The following MAST4 variants were observed in gnomAD, a reference collection of about 807,000 sequenced individuals.
MAST4 encodes microtubule associated serine/threonine kinase family member 4.
MAST4 carries 89 observed loss-of-function variants against 162.7 expected under a neutral mutation model. The observed-to-expected ratio is 0.55, with a 90% CI of 0.46 to 0.65. The LOEUF is 0.65. Among genes scored for constraint, MAST4 ranks in the 30% least tolerant of loss-of-function variants. The pLI is 0.00. For synonymous variants in MAST4, 1,479 were observed against 1,361.1 expected, an observed-to-expected ratio of 1.09 and a Z score of -1.91; for missense variants, 3,153 against 3,374.0, an observed-to-expected ratio of 0.93 and a Z score of 1.62.
chr5:66,906,206 G>A (rs73101933), intron 4 of MAST4, among the ~76,000 whole-genome samples: 1,762 of 152,228 alleles, frequency 0.012, 35 homozygotes, highest in African/African-American at 0.041. Flanking sequence ...TCAGCTGGTC[G>A]GTTGTGCTGA....
chr5:66,920,613 C>T (rs1456563845), intron 4 of MAST4, among the ~76,000 whole-genome samples: 2 of 152,094 alleles, frequency 1.3e-5, no homozygotes, highest in Admixed American at 6.5e-5. Flanking sequence ...GCCTCAGCCT[C>T]CCGAGTAGCT....
chr5:66,756,176 A>G (rs1031443046), intron 1 of MAST4, among the ~76,000 whole-genome samples: 6 of 152,204 alleles, frequency 3.9e-5, no homozygotes, highest in African/African-American at 1.2e-4. Context: ...TCTGCATTCA[A>G]TAATATTAAA....
At chr5:66,930,883 G>C (rs1038598470) in intron 4 of MAST4, 3 of 442,782 alleles carry the variant, frequency 6.8e-6, no homozygotes, top group Non-Finnish European at 1.4e-5. Flanking sequence ...GCAGAACTGA[G>C]CTTGTATACT....
chr5:67,059,954 A>G (rs1390927517), intron 5 of MAST4, among the ~76,000 whole-genome samples: 1 of 152,144 alleles, frequency 6.6e-6, no homozygotes, highest in Non-Finnish European at 1.5e-5. Context: ...AAAATGAATC[A>G]CGTGAACATT....
intron 3 of MAST4, chr5:66,828,740 T>G: frequency 1.3e-6 from 2 of 1,518,306 alleles, no homozygotes; most frequent in Non-Finnish European, 1.8e-6. Context: ...TAGAGCGTGA[T>G]GTAAGTGTTT....
chr5:67,049,645 T>C (rs960540455), intron 4 of MAST4, among the ~76,000 whole-genome samples: 4 of 152,166 alleles, frequency 2.6e-5, no homozygotes, highest in Admixed American at 1.3e-4. Context: ...CCGGGGCCCC[T>C]CTTACTCAAT....
At chr5:66,603,965 G>T (rs1237997041) in intron 1 of MAST4, among the ~76,000 whole-genome samples, 2 of 152,148 alleles carry the variant, frequency 1.3e-5, no homozygotes, top group African/African-American at 2.4e-5. Context: ...AGTTGGTTTC[G>T]CCAACAGCTG....
chr5:66,907,616 G>GTGTGTGTGTGTGTC, intron 4 of MAST4, among the ~76,000 whole-genome samples: 1 of 151,176 alleles, frequency 6.6e-6, no homozygotes, highest in African/African-American at 2.4e-5. Flanking sequence ...GTGTGTGTGT[G>GTGTGTGTGTGTGTC]TGTGTGTGTG....
intron 6 of MAST4, among the ~76,000 whole-genome samples, chr5:67,091,048 A>G (rs1314494050): frequency 6.6e-6 from 1 of 152,024 alleles, no homozygotes; most frequent in Non-Finnish European, 1.5e-5. Context: ...TGAATGTCCT[A>G]GATATTTGTT....
intron 3 of MAST4, among the ~76,000 whole-genome samples, chr5:66,821,830 G>A (rs1421721160): frequency 6.6e-6 from 1 of 152,144 alleles, no homozygotes; most frequent in Non-Finnish European, 1.5e-5. Flanking sequence ...TTGAAGCCAG[G>A]AAGGTAGCTG....
rs1297670840 is a variant in MAST4 at position 67,169,081 on chromosome 5, G to C, written c.*2030G>C. Reference sequence around the variant, plus strand: ...ACGTTTATAATACATATCTGTGTTTGGCAGTTGTCATAACCCAATCCTACA... The same window carrying C: ...ACGTTTATAATACATATCTGTGTTTCGCAGTTGTCATAACCCAATCCTACA... On this transcript the variant is annotated 3_prime_UTR_variant, in exon 29 of 29. Coordinates refer to ENST00000403625, the MANE Select transcript of MAST4 (RefSeq NM_001164664.2). The C allele has an allele frequency of 6.6e-6, 1 of 152,052 alleles. No individual in the cohort carries two copies. Among genetic ancestry groups the C allele is most frequent in the Non-Finnish European group, 1.5e-5 (1 of 68,020 alleles). The allele number at this position is 152,052 out of a possible 1,614,324, so 9.4% of individuals were successfully genotyped here.
chr5:66,901,602 C>A (rs1015176412), intron 4 of MAST4, among the ~76,000 whole-genome samples: 1 of 152,124 alleles, frequency 6.6e-6, no homozygotes, highest in African/African-American at 2.4e-5. Context: ...TGAATTACAT[C>A]AGAGCCATTT....
intron 1 of MAST4, among the ~76,000 whole-genome samples, chr5:66,711,547 T>A (rs191543948): frequency 1.3e-5 from 2 of 152,286 alleles, no homozygotes; most frequent in Non-Finnish European, 2.9e-5. Flanking sequence ...AGAAAGACGC[T>A]TTTGAGGCCC....
At chr5:66,865,813 G>T (rs962736298) in intron 3 of MAST4, among the ~76,000 whole-genome samples, 2 of 152,146 alleles carry the variant, frequency 1.3e-5, no homozygotes, top group East Asian at 3.9e-4. Context: ...GGTGGCTCAC[G>T]CCTGTAATCC....
intron 9 of MAST4, among the ~76,000 whole-genome samples, chr5:67,103,708 A>G (rs1765283117): frequency 6.6e-6 from 1 of 152,198 alleles, no homozygotes; most frequent in Non-Finnish European, 1.5e-5. Context: ...ATGATATAAG[A>G]TGTGTGCTCC....
chr5:67,031,064 T>C lies in MAST4; in HGVS notation c.675-23340T>C, dbSNP rs535608598. ...TTGGGGATAACACTTCCACATAGGA[T>C]ATTTTTTTCCTATGTGAAAAAAGCA... On this transcript the variant is annotated intron_variant, in intron 4 of 28. Transcript: ENST00000403625. Among the ~76,000 whole-genome samples the C allele has an allele frequency of 4.7e-4, 71 of 152,328 alleles. No individual in the cohort carries two copies. The South Asian group carries it at 0.014, about 31-fold the overall frequency.
chr5:66,904,479 A>G (rs1263549783), intron 4 of MAST4, among the ~76,000 whole-genome samples: 1 of 152,190 alleles, frequency 6.6e-6, no homozygotes, highest in Non-Finnish European at 1.5e-5. Context: ...TTCTTAGCAA[A>G]TAGATTCTCC....
At chr5:66,805,864 C>T (rs374432834) in intron 3 of MAST4, among the ~76,000 whole-genome samples, 9 of 152,274 alleles carry the variant, frequency 5.9e-5, no homozygotes, top group East Asian at 1.9e-4. Context: ...CTTCTTTCGA[C>T]GTGGAAGTTT....
chr5:66,806,633 A>G (rs965739807), intron 3 of MAST4, among the ~76,000 whole-genome samples: 2 of 152,230 alleles, frequency 1.3e-5, no homozygotes, highest in African/African-American at 2.4e-5. Flanking sequence ...TTCTTTATTG[A>G]ATATTTTCTA....
Sources: gnomAD v4.1 joint callset for allele counts (sites outside exome capture counted in the v4.1 genomes callset) on GRCh38, gnomAD v4.1.1 for gene constraint, MANE v1.5 for transcripts, NCBI Gene and HGNC (gene_info 2026-07-23, HGNC 2026-07-21) for gene names.